ZFYVE9: variants seen among roughly 807,000 people sequenced by gnomAD.
ZFYVE9 encodes the protein zinc finger FYVE domain-containing protein 9.
In ZFYVE9, 43 loss-of-function variants were observed where a neutral mutation model predicts 126.7. The observed-to-expected ratio is 0.34, with a 90% CI of 0.27 to 0.44. The LOEUF is 0.44. Among genes scored for constraint, ZFYVE9 ranks in the 20% least tolerant of loss-of-function variants. The pLI, the probability that ZFYVE9 is intolerant of heterozygous loss-of-function variation, is 1.00. For synonymous variants in ZFYVE9, 521 were observed against 597.4 expected, an observed-to-expected ratio of 0.87 and a Z score of 1.87; for missense variants, 1,476 against 1,697.0, an observed-to-expected ratio of 0.87 and a Z score of 2.29.
intron 10 of ZFYVE9, among the ~76,000 whole-genome samples, chr1:52,293,101 G>A (rs552385986): frequency 9.2e-5 from 14 of 152,068 alleles, no homozygotes; most frequent in East Asian, 1.9e-4. Context: ...TTAATTGGCC[G>A]GGCGCTGTGG....
chr1:52,207,259 A>G (rs1644986817), intron 1 of ZFYVE9, among the ~76,000 whole-genome samples: 1 of 152,238 alleles, frequency 6.6e-6, no homozygotes, highest in Admixed American at 6.5e-5. Context: ...TCCTTCTTTT[A>G]GTCCCAATCG....
chr1:52,177,425 C>T (rs112618434), intron 1 of ZFYVE9, among the ~76,000 whole-genome samples: 2,798 of 152,270 alleles, frequency 0.018, 107 homozygotes, highest in African/African-American at 0.065. Context: ...GGATTACAGG[C>T]GTGAGCCACT....
At chr1:52,265,697 G>C (rs951018943) in intron 5 of ZFYVE9, among the ~76,000 whole-genome samples, 1 of 152,150 alleles carries the variant, frequency 6.6e-6, no homozygotes, top group African/African-American at 2.4e-5. Context: ...ATGTGAAATG[G>C]TTGTTACTGA....
intron 2 of ZFYVE9, among the ~76,000 whole-genome samples, chr1:52,229,378 A>G (rs1645197254): frequency 1.3e-5 from 2 of 152,212 alleles, no homozygotes; most frequent in Non-Finnish European, 2.9e-5. Flanking sequence ...CATTTGGCTA[A>G]GGTGATGATT....
intron 17 of ZFYVE9, among the ~76,000 whole-genome samples, chr1:52,341,135 G>A (rs569265255): frequency 6.6e-6 from 1 of 152,320 alleles, no homozygotes; most frequent in East Asian, 1.9e-4. Context: ...TGGGAGAATC[G>A]CTTGAACCTG....
intron 4 of ZFYVE9, among the ~76,000 whole-genome samples, chr1:52,249,911 AACTAACTGG>A (rs1208273502): frequency 1.3e-5 from 2 of 152,198 alleles, no homozygotes; most frequent in Admixed American, 6.5e-5. Flanking sequence ...CTCTTGTCAA[AACTAACTGG>A]ACCATATAAG....
Position 52,263,770 on chromosome 1 carries a change from C to CGGGGTGGGG in ZFYVE9, c.2179-3_2179-2insGGGGTGGGG. 1 of 1,073,252 alleles carries CGGGGTGGGG rather than the reference C, an allele frequency of 9.3e-7. No homozygotes were observed. Among genetic ancestry groups the CGGGGTGGGG allele is most frequent in the Non-Finnish European group, 1.3e-6 (1 of 773,314 alleles). The allele number at this position is 1,073,252 out of a possible 1,614,324, so 66.5% of individuals were successfully genotyped here. A position where few individuals can be genotyped will look rare whatever the true frequency, so the allele number is the denominator to read the frequency against. On this transcript the variant is annotated splice_polypyrimidine_tract_variant and splice_region_variant and intron_variant, in intron 4 of 18. Coordinates refer to ENST00000287727, the MANE Select transcript of ZFYVE9 (RefSeq NM_004799.4). ...TGTGTTCTTCCCCCCCCCCCCCCCA[C>CGGGGTGGGG]AGGTTTTCTGTGCTTCCTGCTGTAG...
intron 10 of ZFYVE9, among the ~76,000 whole-genome samples, chr1:52,292,469 CTTT>C (rs1159852399): frequency 9.8e-6 from 1 of 101,990 alleles, no homozygotes; most frequent in South Asian, 3.1e-4. Flanking sequence ...CTGAACATTT[CTTT>C]TTTTTTTTTT....
intron 1 of ZFYVE9, among the ~76,000 whole-genome samples, chr1:52,165,793 G>A (rs535609536): frequency 1.3e-5 from 2 of 152,296 alleles, no homozygotes; most frequent in Non-Finnish European, 2.9e-5. Context: ...TTCCTAGAAC[G>A]TGGCAAAGTG....
intron 13 of ZFYVE9, among the ~76,000 whole-genome samples, chr1:52,311,830 G>A (rs1350932992): frequency 6.7e-6 from 1 of 149,978 alleles, no homozygotes; most frequent in Non-Finnish European, 1.5e-5. Flanking sequence ...TCACTCCATC[G>A]CCCAGGCTGG....
chr1:52,258,157 T>C (rs1377672993), intron 4 of ZFYVE9, among the ~76,000 whole-genome samples: 2 of 152,230 alleles, frequency 1.3e-5, no homozygotes, highest in Non-Finnish European at 2.9e-5. Flanking sequence ...CATTATTCCA[T>C]GGAGTTTACA....
intron 13 of ZFYVE9, among the ~76,000 whole-genome samples, chr1:52,312,284 TTAATA>T (rs1227984106): frequency 6.6e-6 from 1 of 152,104 alleles, no homozygotes; most frequent in African/African-American, 2.4e-5. Context: ...CTGTAGGTAT[TTAATA>T]TAAGGAAAAG....
intron 14 of ZFYVE9, 75 bp downstream of exon 14, chr1:52,332,993 C>T (rs758446471): frequency 2.0e-4 from 313 of 1,553,034 alleles, no homozygotes; most frequent in Non-Finnish European, 2.6e-4. Context: ...ACCTCAGTCC[C>T]GTAACACTCA....
chr1:52,262,057 A>G (rs185438273), intron 4 of ZFYVE9, among the ~76,000 whole-genome samples: 62 of 152,352 alleles, frequency 4.1e-4, no homozygotes, highest in Non-Finnish European at 6.6e-4. Flanking sequence ...ACCATAGACT[A>G]GATGGCTTAT....
intron 7 of ZFYVE9, among the ~76,000 whole-genome samples, chr1:52,269,184 C>A (rs1645663199): frequency 6.6e-6 from 1 of 152,032 alleles, no homozygotes; most frequent in Non-Finnish European, 1.5e-5. Flanking sequence ...GGCTGCAGTA[C>A]AGTGGCGTGA....
chr1:52,316,315 G>T (rs551881724), intron 13 of ZFYVE9, among the ~76,000 whole-genome samples: 1 of 151,298 alleles, frequency 6.6e-6, no homozygotes, highest in African/African-American at 2.4e-5. Flanking sequence ...GTGAAACCCC[G>T]TCTCTAGTAA....
intron 1 of ZFYVE9, among the ~76,000 whole-genome samples, chr1:52,152,404 A>G (rs1232832778): frequency 6.6e-6 from 1 of 152,050 alleles, no homozygotes; most frequent in Non-Finnish European, 1.5e-5. Flanking sequence ...TCTCACCCTC[A>G]CCGTATCCGA....
intron 1 of ZFYVE9, among the ~76,000 whole-genome samples, chr1:52,176,535 A>G (rs1644631370): frequency 6.6e-6 from 1 of 152,180 alleles, no homozygotes; most frequent in Non-Finnish European, 1.5e-5. Flanking sequence ...TCAGACAGGG[A>G]CATTTAAGTC....
chr1:52,143,095 A>G (rs556183048), intron 1 of ZFYVE9, among the ~76,000 whole-genome samples: 3 of 152,292 alleles, frequency 2.0e-5, no homozygotes, highest in African/African-American at 7.2e-5. Context: ...GTAGATAAAC[A>G]CTCACAGTTA....
Sources: allele counts gnomAD v4.1 joint callset (sites outside exome capture counted in the v4.1 genomes callset), GRCh38; gene constraint gnomAD v4.1.1; transcripts MANE v1.5; gene names NCBI Gene and HGNC (gene_info 2026-07-23, HGNC 2026-07-21).